Variants in SDK1 observed in about 807,000 individuals in gnomAD.
SDK1 encodes protein sidekick-1.
SDK1 carries 157 observed loss-of-function variants against 245.5 expected under a neutral mutation model. The ratio of observed to expected loss-of-function variants is 0.64; its 90% CI spans 0.56 to 0.73. The LOEUF is 0.73. Among genes scored for constraint, SDK1 ranks in the 30% least tolerant of loss-of-function variants. The pLI, the probability that SDK1 is intolerant of heterozygous loss-of-function variation, is 0.00. For missense variants in SDK1, 3,583 were observed against 3,002.3 expected, an observed-to-expected ratio of 1.19 and a Z score of -4.52; for synonymous variants, 1,647 against 1,278.5, an observed-to-expected ratio of 1.29 and a Z score of -6.15.
chr7:3,687,000 G>A (rs1250112887), intron 4 of SDK1, among the ~76,000 whole-genome samples: 1 of 150,150 alleles, frequency 6.7e-6, no homozygotes, highest in African/African-American at 2.5e-5. Context: ...AGCTCAAGAA[G>A]GGAGATCTGA....
At position 3,647,015 on chromosome 7, in the gene SDK1, A is replaced by C. The variant is rs144655591; in HGVS notation, c.713+4910A>C. Among the ~76,000 whole-genome samples the C allele has an allele frequency of 2.8e-4, 43 of 152,318 alleles. 1 individual carries two copies. In the East Asian group the frequency reaches 5.4e-3, roughly 19 times the overall value. ...TTTCACAAGATGGAAAGATGTGCTG[A>C]AGATGGATGATGGTGATGATCGCAC... On this transcript the variant is annotated intron_variant, in intron 4 of 44. Coordinates refer to ENST00000404826, the MANE Select transcript of SDK1 (RefSeq NM_152744.4).
chr7:3,665,560 G>T (rs555610552), intron 4 of SDK1, among the ~76,000 whole-genome samples: 1 of 152,298 alleles, frequency 6.6e-6, no homozygotes, highest in South Asian at 2.1e-4. Flanking sequence ...ATGGAGCTTT[G>T]TCTTGTGCCT....
chr7:3,449,663 A>G (rs182515846), intron 1 of SDK1, among the ~76,000 whole-genome samples: 91 of 152,344 alleles, frequency 6.0e-4, no homozygotes, highest in Non-Finnish European at 1.1e-3. Flanking sequence ...TGCAGCTATT[A>G]AATAGCACAT....
chr7:3,444,914 AATAAG>A (rs1293314189), intron 1 of SDK1, among the ~76,000 whole-genome samples: 2 of 152,246 alleles, frequency 1.3e-5, no homozygotes, highest in African/African-American at 4.8e-5. Context: ...GATGTAGAGT[AATAAG>A]ATAAGAAACT....
At chr7:3,948,046 G>T (rs1172513462) in intron 5 of SDK1, among the ~76,000 whole-genome samples, 4 of 152,208 alleles carry the variant, frequency 2.6e-5, no homozygotes, top group Admixed American at 2.6e-4. Flanking sequence ...AATATACCAG[G>T]ATCATGTACT....
At chr7:4,264,778 C>T (rs565832393) in intron 44 of SDK1, among the ~76,000 whole-genome samples, 2 of 151,984 alleles carry the variant, frequency 1.3e-5, no homozygotes, top group Non-Finnish European at 2.9e-5. Context: ...GTAGACCTCT[C>T]CTGGGGTGAG....
chr7:3,949,501 C>T (rs192637675), intron 5 of SDK1, among the ~76,000 whole-genome samples: 25 of 152,316 alleles, frequency 1.6e-4, no homozygotes, highest in African/African-American at 5.8e-4. Flanking sequence ...CAGAATCCTC[C>T]GCTGCCGCTC....
intron 32 of SDK1, among the ~76,000 whole-genome samples, chr7:4,169,197 A>C (rs1012662618): frequency 2.0e-5 from 3 of 152,334 alleles, no homozygotes; most frequent in African/African-American, 2.4e-5. Context: ...GAGTAGCAGT[A>C]ACCCAGGAAT....
chr7:3,929,731 G>A (rs571091867), intron 5 of SDK1, among the ~76,000 whole-genome samples: 25 of 152,256 alleles, frequency 1.6e-4, no homozygotes, highest in Admixed American at 1.5e-3. Context: ...AGGATGGTGG[G>A]GTTTGTGGTG....
At chr7:4,211,525 A>C (rs945337240) in intron 38 of SDK1, among the ~76,000 whole-genome samples, 8 of 152,170 alleles carry the variant, frequency 5.3e-5, no homozygotes, top group African/African-American at 1.9e-4. Flanking sequence ...GGTTGCGGGC[A>C]GGTGGCTCTG....
chr7:4,238,984 A>C (rs1007894723), intron 42 of SDK1, among the ~76,000 whole-genome samples: 5 of 152,200 alleles, frequency 3.3e-5, no homozygotes, highest in African/African-American at 1.2e-4. Context: ...AGACTGTCAC[A>C]GAAGCATCTC....
At chr7:3,577,373 G>C (rs1315986496) in intron 1 of SDK1, among the ~76,000 whole-genome samples, 1 of 152,062 alleles carries the variant, frequency 6.6e-6, no homozygotes, top group Non-Finnish European at 1.5e-5. Flanking sequence ...TTTACGGCCT[G>C]AGCGTCATAG....
intron 5 of SDK1, 56 bp from the exon 6 acceptor site, chr7:3,950,867 C>T (rs755963548): frequency 3.5e-4 from 470 of 1,330,086 alleles, no homozygotes; most frequent in Non-Finnish European, 4.5e-4. Flanking sequence ...CAGATAACGG[C>T]GGGGGGTGCT....
intron 1 of SDK1, among the ~76,000 whole-genome samples, chr7:3,578,844 A>G (rs1054301301): frequency 3.3e-5 from 5 of 151,954 alleles, no homozygotes; most frequent in Middle Eastern, 3.4e-3. Context: ...CTGATTTCAT[A>G]TTGTTCAAAC....
intron 4 of SDK1, among the ~76,000 whole-genome samples, chr7:3,653,880 G>A (rs571429287): frequency 2.0e-5 from 3 of 152,308 alleles, no homozygotes; most frequent in Admixed American, 2.0e-4. Flanking sequence ...GAAGCAGAGA[G>A]GATGATCTCT....
intron 1 of SDK1, among the ~76,000 whole-genome samples, chr7:3,435,407 T>A (rs935666710): frequency 2.1e-5 from 3 of 141,860 alleles, no homozygotes; most frequent in Non-Finnish European, 4.5e-5. Flanking sequence ...CTCAGCTCAC[T>A]GCAACCTCTG....
chr7:3,679,057 C>G (rs1328457412), intron 4 of SDK1, among the ~76,000 whole-genome samples: 1 of 152,130 alleles, frequency 6.6e-6, no homozygotes, highest in African/African-American at 2.4e-5. Flanking sequence ...CAATTTTTAG[C>G]TATGGCACCA....
At chr7:3,614,484 G>A (rs182231328) in intron 1 of SDK1, among the ~76,000 whole-genome samples, 19 of 152,232 alleles carry the variant, frequency 1.2e-4, no homozygotes, top group Non-Finnish European at 2.6e-4. Flanking sequence ...TACCTTAGAG[G>A]CAACTCAATC....
At chr7:3,585,546 G>A (rs1433706528) in intron 1 of SDK1, among the ~76,000 whole-genome samples, 2 of 152,200 alleles carry the variant, frequency 1.3e-5, no homozygotes. Context: ...AGGGCACAAA[G>A]CTGCAAGAGC....
Sources: gnomAD v4.1 joint callset for allele counts (sites outside exome capture counted in the v4.1 genomes callset) on GRCh38, gnomAD v4.1.1 for gene constraint, MANE v1.5 for transcripts, NCBI Gene and HGNC (gene_info 2026-07-23, HGNC 2026-07-21) for gene names.